The following ATP6V0A1 variants were observed in gnomAD, a reference collection of about 807,000 sequenced individuals.
The protein encoded by ATP6V0A1 is V-type proton ATPase 116 kDa subunit a 1.
In ATP6V0A1, 43 loss-of-function variants were observed where a neutral mutation model predicts 105.4. That is an observed-to-expected ratio of 0.41 (90% CI 0.32 to 0.53). The LOEUF (loss-of-function observed/expected upper bound fraction) is 0.53. Among genes scored for constraint, ATP6V0A1 ranks in the 20% least tolerant of loss-of-function variants. ATP6V0A1 has a pLI of 0.30. For synonymous variants in ATP6V0A1, 362 were observed against 372.8 expected, an observed-to-expected ratio of 0.97 and a Z score of 0.33; for missense variants, 676 against 1,051.1, an observed-to-expected ratio of 0.64 and a Z score of 4.93.
At chr17:42,467,058 A>G (rs990124736) in intron 3 of ATP6V0A1, among the ~76,000 whole-genome samples, 5 of 152,060 alleles carry the variant, frequency 3.3e-5, no homozygotes, top group African/African-American at 1.2e-4. Flanking sequence ...GAGGCTGGAG[A>G]ATGGCATGGA....
intron 17 of ATP6V0A1, among the ~76,000 whole-genome samples, chr17:42,505,818 C>T (rs1344525262): frequency 1.3e-5 from 2 of 148,922 alleles, no homozygotes; most frequent in African/African-American, 2.5e-5. Context: ...GACAGAGTCT[C>T]GCTGTGTTGC....
At chr17:42,466,139 G>T (rs1199762654) in intron 2 of ATP6V0A1, among the ~76,000 whole-genome samples, 2 of 152,132 alleles carry the variant, frequency 1.3e-5, no homozygotes, top group Admixed American at 1.3e-4. Flanking sequence ...TTAGGTGGTG[G>T]GAAGGAAGCT....
At chr17:42,467,926 CT>C in intron 3 of ATP6V0A1, 83 bp from the exon 4 acceptor site, 1 of 744,658 alleles carries the variant, frequency 1.3e-6, no homozygotes, top group Non-Finnish European at 2.1e-6. Context: ...GTAACCAGGT[CT>C]TAGATGTTAA....
chr17:42,514,577 C>T, intron 21 of ATP6V0A1, 117 bp downstream of exon 21: 1 of 1,099,366 alleles, frequency 9.1e-7, no homozygotes, highest in Non-Finnish European at 1.3e-6. Flanking sequence ...ATGAGCTGGC[C>T]CTGCACTAGC....
chr17:42,502,207 G>A (rs1421553815), intron 17 of ATP6V0A1, among the ~76,000 whole-genome samples: 7 of 152,172 alleles, frequency 4.6e-5, no homozygotes, highest in Admixed American at 3.9e-4. Flanking sequence ...TTTTGCTCAC[G>A]CTGCGCTCAG....
At chr17:42,517,705 G>A (rs2092688087) in intron 21 of ATP6V0A1, among the ~76,000 whole-genome samples, 1 of 152,186 alleles carries the variant, frequency 6.6e-6, no homozygotes, top group Admixed American at 6.5e-5. Flanking sequence ...ACTGCAGGAG[G>A]CGTTCTGAGC....
intron 11 of ATP6V0A1, among the ~76,000 whole-genome samples, chr17:42,493,331 C>G (rs1310079448): frequency 6.6e-6 from 1 of 152,174 alleles, no homozygotes; most frequent in Non-Finnish European, 1.5e-5. Context: ...GGGCTCTCTC[C>G]ATCTGTACGT....
intron 5 of ATP6V0A1, 119 bp downstream of exon 5, chr17:42,470,337 A>C: frequency 8.0e-7 from 1 of 1,249,198 alleles, no homozygotes; most frequent in South Asian, 1.3e-5. Flanking sequence ...CCATTTTTGC[A>C]CCCTGTTTTA....
In ATP6V0A1 at chr17:42,507,553, A is replaced by G. The variant is rs1303955337; in HGVS notation, c.2038A>G (p.Asn680Asp). The G allele has an allele frequency of 1.2e-6, 2 of 1,613,500 alleles. No homozygotes were observed. Among genetic ancestry groups the G allele is most frequent in the Non-Finnish European group, 1.7e-6 (2 of 1,179,710 alleles). ...TLNFGGIRVG[N>D]GPTEEDAEII... Reference sequence around the variant, plus strand: ...CAACTTTGGTGGGATCAGGGTGGGCAACGGACCGACAGAGGAGGATGCTGA... The same window carrying G: ...CAACTTTGGTGGGATCAGGGTGGGCGACGGACCGACAGAGGAGGATGCTGA... Residue 680 changes from asparagine (N) to aspartate (D), a missense_variant, in exon 18 of 22, where the codon AAC becomes GAC. This residue lies in a region of ATP6V0A1 where 435 missense variants were observed against 642.2 expected (regional missense o/e 0.68). Coordinates refer to ENST00000343619, the MANE Select transcript of ATP6V0A1 (RefSeq NM_001130021.3).
At chr17:42,506,462 A>G (rs2092030270) in intron 17 of ATP6V0A1, among the ~76,000 whole-genome samples, 1 of 152,236 alleles carries the variant, frequency 6.6e-6, no homozygotes, top group Admixed American at 6.5e-5. Flanking sequence ...ATGGCACACC[A>G]GGAGGTGGAG....
At chr17:42,497,300 CA>C (rs1220778376) in intron 14 of ATP6V0A1, among the ~76,000 whole-genome samples, 1,054 of 57,552 alleles carry the variant, frequency 0.018, 10 homozygotes, top group African/African-American at 0.052. Flanking sequence ...GACCCTGTCT[CA>C]AAAAAAAAAA....
At position 42,495,822 on chromosome 17, in the gene ATP6V0A1, A is replaced by G. The variant is rs574841356; in HGVS notation, c.1560+106A>G. ...ATAGTTATGTGGGCTTTCACTGGGC[A>G]TGGTCGCTCATGCCTGTAATCCCAG... is the stretch of plus-strand genomic sequence containing the variant. On this transcript the variant is annotated intron_variant, in intron 14 of 21. Transcript: ENST00000343619. 56 of 971,890 alleles carry G rather than the reference A, an allele frequency of 5.8e-5. 1 individual carries two copies. In the Admixed American group the frequency reaches 7.9e-4, roughly 14 times the overall value. 60.2% of individuals were successfully genotyped at this position (971,890 alleles called of 1,614,324 possible). A position where few individuals can be genotyped will look rare whatever the true frequency, so the allele number is the denominator to read the frequency against.
intron 6 of ATP6V0A1, 21 bp from the exon 7 acceptor site, chr17:42,478,442 A>G (rs534618080): frequency 2.0e-5 from 32 of 1,568,026 alleles, no homozygotes; most frequent in Middle Eastern, 1.7e-4. Context: ...AGAGTTTCCA[A>G]TCTGCCTCTT....
intron 2 of ATP6V0A1, 74 bp downstream of exon 2, chr17:42,461,085 A>G: frequency 7.8e-7 from 1 of 1,277,194 alleles, no homozygotes; most frequent in Non-Finnish European, 1.1e-6. Context: ...CTTATGATGA[A>G]TGTTTTGTTT....
chr17:42,508,638 T>C, intron 19 of ATP6V0A1, 49 bp downstream of exon 19: 1 of 1,612,326 alleles, frequency 6.2e-7, no homozygotes, highest in Non-Finnish European at 8.5e-7. Context: ...GCTTCTCTCT[T>C]CCCATCCTTG....
chr17:42,480,097 ACCATACACCTTTTTTT>A (rs2089302035), intron 7 of ATP6V0A1, among the ~76,000 whole-genome samples: 1 of 152,156 alleles, frequency 6.6e-6, no homozygotes, highest in Non-Finnish European at 1.5e-5. Flanking sequence ...TGGTTAACAC[ACCATACACCTTTTTTT>A]CTGATCTTTC....
chr17:42,502,828 A>T (rs558702963), intron 17 of ATP6V0A1: 4 of 152,754 alleles, frequency 2.6e-5, no homozygotes, highest in African/African-American at 9.6e-5. Flanking sequence ...GTCAGCCCAA[A>T]CCCGAGCCAA....
intron 15 of ATP6V0A1, among the ~76,000 whole-genome samples, chr17:42,499,656 C>T (rs1481097061): frequency 1.3e-5 from 2 of 150,786 alleles, no homozygotes; most frequent in South Asian, 2.1e-4. Context: ...GGTGTGGTGG[C>T]GTGCACCTGT....
In ATP6V0A1 at chr17:42,501,949, G is replaced by A. The variant is rs117275601; in HGVS notation, c.2004+645G>A. Among the ~76,000 whole-genome samples, 1,467 of 152,144 alleles carry A rather than the reference G, an allele frequency of 9.6e-3. 12 individuals carry two copies. Among genetic ancestry groups the A allele is most frequent in the South Asian group, 0.016 (79 of 4,818 alleles). ...CTTGGGAGGCTGAGGTGGAAGGATC[G>A]CTTGAATCTGAGAGGCGGAGGTTGC... On this transcript the variant is annotated intron_variant, in intron 17 of 21. Transcript: ENST00000343619.
Sources: gnomAD v4.1 joint callset for allele counts (sites outside exome capture counted in the v4.1 genomes callset) on GRCh38, gnomAD v4.1.1 for gene constraint, gnomAD v4.1.1 regional missense constraint, MANE v1.5 for transcripts, NCBI Gene and HGNC (gene_info 2026-07-23, HGNC 2026-07-21) for gene names.